STK31: variants seen among roughly 807,000 people sequenced by gnomAD.
The protein encoded by STK31 is serine/threonine kinase 31.
A neutral mutation model predicts 129.7 loss-of-function variants in STK31; 89 were observed. The observed-to-expected ratio is 0.69, with a 90% CI of 0.58 to 0.82. The LOEUF (loss-of-function observed/expected upper bound fraction) is 0.82, where lower values mean the gene tolerates loss of function less well. STK31 is among the 40% of genes least tolerant of loss of function. The pLI, the probability that STK31 is intolerant of heterozygous loss-of-function variation, is 0.00. For synonymous variants in STK31, 448 were observed against 395.3 expected (o/e 1.13, Z -1.58); for missense variants, 1,187 against 1,176.4 (o/e 1.01, Z -0.13).
chr7:23,735,125 C>G (rs1056170847), intron 6 of STK31, among the ~76,000 whole-genome samples: 3 of 152,202 alleles, frequency 2.0e-5, no homozygotes, highest in Middle Eastern at 3.4e-3. Context: ...GTTCCTGACT[C>G]TGCCTCTAAA....
chr7:23,770,415 C>A (rs1280648911), intron 13 of STK31, among the ~76,000 whole-genome samples: 1 of 151,806 alleles, frequency 6.6e-6, no homozygotes, highest in African/African-American at 2.4e-5. Flanking sequence ...GTTAAATAGT[C>A]CTGATGTAGA....
rs754030103 is a variant in STK31, at chr7:23,771,058, G to A, written c.1767G>A (p.Leu589=). ...TTTCAAATACATATAGTCAAGTACTGCAAAAGATTCATTCAGAGGAAAGGC... is the reference window on the plus strand; with the variant it reads ...TTTCAAATACATATAGTCAAGTACTACAAAAGATTCATTCAGAGGAAAGGC... The part of the protein sequence containing the change: ...EIISNTYSQV[L]QKIHSEERLI... Residue 589 remains leucine, a synonymous_variant, in exon 14 of 24, where the codon CTG becomes CTA. Coordinates refer to ENST00000355870, the MANE Select transcript of STK31 (RefSeq NM_031414.5). 20 of 1,612,512 alleles carry A rather than the reference G, an allele frequency of 1.2e-5. No homozygotes were observed. Among genetic ancestry groups the A allele is most frequent in the Non-Finnish European group, 1.4e-5 (17 of 1,179,250 alleles).
rs114140400 is a variant in STK31, at chr7:23,832,418, A to C, written c.*52A>C. On this transcript the variant is annotated 3_prime_UTR_variant, in exon 24 of 24. Coordinates refer to ENST00000355870, the MANE Select transcript of STK31 (RefSeq NM_031414.5). ...TCTTTTTAAAAACTTTGGTTTGGTT[A>C]ATACACAGAAATATCTAGAAATGTT... The C allele has an allele frequency of 1.1e-3, 1,116 of 988,080 alleles. 11 individuals are homozygous for C. In the African/African-American group the frequency reaches 0.017, roughly 15 times the overall value. 61.2% of individuals were successfully genotyped at this position (988,080 alleles called of 1,614,324 possible).
intron 10 of STK31, among the ~76,000 whole-genome samples, chr7:23,758,757 A>G (rs1365937732): frequency 6.6e-6 from 1 of 152,316 alleles, no homozygotes; most frequent in East Asian, 1.9e-4. Context: ...CAAGTTGTTC[A>G]GTTTCCATGA....
chr7:23,764,926 C>G (rs962353523), intron 11 of STK31, among the ~76,000 whole-genome samples: 1 of 147,936 alleles, frequency 6.8e-6, no homozygotes, highest in Non-Finnish European at 1.5e-5. Flanking sequence ...TTTTTAACTA[C>G]TATGTAATCT....
chr7:23,730,176 C>T lies in STK31; in HGVS notation c.483+927C>T, dbSNP rs184524725. Among the ~76,000 whole-genome samples, 6 of 152,268 alleles carry T rather than the reference C, an allele frequency of 3.9e-5. No homozygotes were observed. In the East Asian group the frequency reaches 9.6e-4, roughly 24 times the overall value. On this transcript the variant is annotated intron_variant, in intron 6 of 23. Transcript: ENST00000355870. The stretch of plus-strand genomic sequence containing the variant: ...ATGATTCTTTTGGTAAATGGTAATG[C>T]TGGTGAGAGATATTACATTGGAAAG...
chr7:23,782,143 A>G (rs1002155092), intron 16 of STK31, among the ~76,000 whole-genome samples: 1 of 152,124 alleles, frequency 6.6e-6, no homozygotes, highest in Non-Finnish European at 1.5e-5. Context: ...GGGAGATGTT[A>G]CCAGGAAGAA....
intron 8 of STK31, among the ~76,000 whole-genome samples, chr7:23,749,339 T>C (rs1788543075): frequency 7.0e-6 from 1 of 142,002 alleles, no homozygotes; most frequent in Non-Finnish European, 1.5e-5. Context: ...TTCTTTTCTT[T>C]TCTTGTTTTT....
chr7:23,804,231 T>C (rs74580191), intron 22 of STK31, among the ~76,000 whole-genome samples: 246 of 152,296 alleles, frequency 1.6e-3, no homozygotes, highest in African/African-American at 5.5e-3. Flanking sequence ...TTTTATTTAT[T>C]CAGAGACACA....
At chr7:23,735,220 A>T (rs1250051418) in intron 6 of STK31, among the ~76,000 whole-genome samples, 1 of 152,152 alleles carries the variant, frequency 6.6e-6, no homozygotes, top group African/African-American at 2.4e-5. Flanking sequence ...GGAGACCATT[A>T]TATTTAGTTG....
chr7:23,783,069 C>T (rs545356379), intron 16 of STK31, among the ~76,000 whole-genome samples: 3 of 151,998 alleles, frequency 2.0e-5, no homozygotes, highest in South Asian at 2.1e-4. Context: ...ACAGCATATT[C>T]GGAGAGACTC....
chr7:23,773,109 T>C lies in STK31; in HGVS notation c.1965+831T>C, dbSNP rs187820760. Among the ~76,000 whole-genome samples, 116 of 152,278 alleles carry C rather than the reference T, an allele frequency of 7.6e-4. No homozygotes were observed. The Middle Eastern group carries it at 0.01, about 13-fold the overall frequency. On this transcript the variant is annotated intron_variant, in intron 15 of 23. Coordinates refer to ENST00000355870, the MANE Select transcript of STK31 (RefSeq NM_031414.5). ...GTGCAGAATGTGCAGGTTTGTTACA[T>C]AGGTATACACGTGCCATGGTGGTTT...
Position 23,710,269 on chromosome 7 carries a change from A to T in STK31, c.-17A>T. On this transcript the variant is annotated 5_prime_UTR_variant, in exon 1 of 24. Coordinates refer to ENST00000355870, the MANE Select transcript of STK31 (RefSeq NM_031414.5). ...GCTGCACGTGTGCTACGGCGGGCGGAGGGCCGAAAGTCCAGTATGTGGGTC... is the reference window on the plus strand; with the variant it reads ...GCTGCACGTGTGCTACGGCGGGCGGTGGGCCGAAAGTCCAGTATGTGGGTC... 1.3e-6 allele frequency: 2 copies of T among 1,597,932 alleles called. No homozygotes were observed. The highest frequency in any genetic ancestry group is 1.7e-6 in the Non-Finnish European group (2 of 1,174,508).
chr7:23,804,049 GAA>G lies in STK31; in HGVS notation c.2761-11094_2761-11093del, dbSNP rs1792540678. On this transcript the variant is annotated intron_variant, in intron 22 of 23. Transcript: ENST00000355870. ...CTGCTGTGAAGAAGTTGAATATAAA[GAA>G]GAGAATGGCCCCCTTTCTTTGTTTA... Among the ~76,000 whole-genome samples the G allele has an allele frequency of 2.0e-5, 3 of 152,064 alleles. No homozygotes were observed. In the South Asian group the frequency reaches 6.2e-4, roughly 32 times the overall value.
At chr7:23,727,556 C>CTTTTTTTTTTTTTTTTT (rs58066410) in intron 5 of STK31, 1 of 125,358 alleles carries the variant, frequency 8.0e-6, no homozygotes, top group African/African-American at 5.7e-5. Context: ...TACCTCAGTT[C>CTTTTTTTTTTTTTTTTT]TTTTTTTTTT....
At chr7:23,791,289 A>G (rs1277529229) in intron 22 of STK31, 1 of 985,168 alleles carries the variant, frequency 1.0e-6, no homozygotes. Flanking sequence ...GTGTAGACCA[A>G]ATAGCTGTTT....
Position 23,717,097 on chromosome 7 carries a change from C to CTTTTTTTTTTTTTTTTT in STK31, c.151-372_151-356dup, listed in dbSNP as rs70956911. Among the ~76,000 whole-genome samples, 93 of 42,940 alleles carry CTTTTTTTTTTTTTTTTT rather than the reference C, an allele frequency of 2.2e-3. 3 individuals are homozygous for CTTTTTTTTTTTTTTTTT. Among genetic ancestry groups the CTTTTTTTTTTTTTTTTT allele is most frequent in the Admixed American group, 3.7e-3 (12 of 3,270 alleles). 28.2% of individuals were successfully genotyped at this position (42,940 alleles called of 152,430 possible). On this transcript the variant is annotated intron_variant, in intron 3 of 23. Coordinates refer to ENST00000355870, the MANE Select transcript of STK31 (RefSeq NM_031414.5). ...TACAGGTGTGAGCCATCGCAACCTG[C>CTTTTTTTTTTTTTTTTT]TTTTTTTTTTTTTTTTTTTTTTTTT... is the stretch of plus-strand genomic sequence containing the variant.
chr7:23,789,238 T>A (rs1378867347), intron 21 of STK31, among the ~76,000 whole-genome samples: 1 of 152,152 alleles, frequency 6.6e-6, no homozygotes, highest in African/African-American at 2.4e-5. Flanking sequence ...TTATTGGTTA[T>A]ATGAATAATG....
chr7:23,810,275 G>T (rs1441764109), intron 22 of STK31, among the ~76,000 whole-genome samples: 1 of 151,668 alleles, frequency 6.6e-6, no homozygotes, highest in East Asian at 1.9e-4. Context: ...TACTCCAAAG[G>T]TACCTACATT....
Sources: allele counts gnomAD v4.1 joint callset (sites outside exome capture counted in the v4.1 genomes callset), GRCh38; gene constraint gnomAD v4.1.1; transcripts MANE v1.5; gene names NCBI Gene and HGNC (gene_info 2026-07-23, HGNC 2026-07-21).